CCM2: variants seen among roughly 807,000 people sequenced by gnomAD.
CCM2 encodes the protein cerebral cavernous malformations 2 protein.
A neutral mutation model predicts 44.9 loss-of-function variants in CCM2; 25 were observed. The observed-to-expected ratio is 0.56, with a 90% CI of 0.41 to 0.78. The LOEUF is 0.78. Among genes scored for constraint, CCM2 ranks in the 30% least tolerant of loss-of-function variants. The pLI, the probability that CCM2 is intolerant of heterozygous loss-of-function variation, is 0.00. For synonymous variants in CCM2, 219 were observed against 241.1 expected, an observed-to-expected ratio of 0.91 and a Z score of 0.85; for missense variants, 481 against 580.6, an observed-to-expected ratio of 0.83 and a Z score of 1.76.
At chr7:45,035,452 G>A (rs1243603302) in intron 1 of CCM2, among the ~76,000 whole-genome samples, 1 of 152,142 alleles carries the variant, frequency 6.6e-6, no homozygotes, top group African/African-American at 2.4e-5. Context: ...GGACCTGGGA[G>A]GGGGCCTATT....
chr7:45,004,072 T>G (rs1188974361), intron 1 of CCM2, among the ~76,000 whole-genome samples: 2 of 152,056 alleles, frequency 1.3e-5, no homozygotes, highest in Non-Finnish European at 2.9e-5. Context: ...TCCAGCTACT[T>G]GGGATGCTGA....
intron 1 of CCM2, among the ~76,000 whole-genome samples, chr7:45,032,707 G>A (rs1382473534): frequency 1.3e-5 from 2 of 152,084 alleles, no homozygotes; most frequent in African/African-American, 4.8e-5. Context: ...AGCGTTTATT[G>A]CTGTCCAGTC....
chr7:45,026,597 AT>A (rs747619583), intron 1 of CCM2, among the ~76,000 whole-genome samples: 1,794 of 114,414 alleles, frequency 0.016, 5 homozygotes, highest in African/African-American at 0.022. Flanking sequence ...CTCTAACCAG[AT>A]TTTTTTTTTT....
chr7:45,042,004 C>T (rs10269884), intron 2 of CCM2, among the ~76,000 whole-genome samples: 3,200 of 152,202 alleles, frequency 0.021, 40 homozygotes, highest in Non-Finnish European at 0.032. Context: ...TGTCGAGCGC[C>T]GTGGCCCATG....
At position 45,075,971 on chromosome 7, in the gene CCM2, G is replaced by A. The variant is rs773236463; in HGVS notation, c.1249G>A (p.Glu417Lys). ...CTCTGATGACCGGTCGGCACCCTCA[G>A]AGGGGGATGAGTGGGACCGCATGAT... ...GSSDDRSAPS[E>K]GDEWDRMISD... The change falls in exon 10 of 10, where the codon GAG becomes AAG. Residue 417 changes from glutamate to lysine, a missense_variant. Transcript: ENST00000258781. 5 of 1,613,080 alleles carry A rather than the reference G, an allele frequency of 3.1e-6. No homozygotes were observed. In the African/African-American group the frequency reaches 6.7e-5, roughly 22 times the overall value.
intron 1 of CCM2, among the ~76,000 whole-genome samples, chr7:45,026,597 A>ATTTTTTT (rs747619583): frequency 1.0e-4 from 12 of 114,416 alleles, no homozygotes; most frequent in East Asian, 2.8e-4. Context: ...CTCTAACCAG[A>ATTTTTTT]TTTTTTTTTT....
Position 45,075,811 on chromosome 7 carries a change from G to A in CCM2, c.1089G>A (p.Gln363=). 6.2e-7 allele frequency: 1 copy of A among 1,613,788 alleles called. No homozygotes were observed. The highest frequency in any genetic ancestry group is 8.5e-7 in the Non-Finnish European group (1 of 1,180,024). The part of the protein sequence containing the change: ...LRPFIPEKDS[Q]HFENFLETIG... ...CCTTCATCCCTGAGAAGGACAGCCA[G>A]CACTTCGAGAACTTCCTGGAGACCA... Residue 363 remains glutamine, a synonymous_variant, in exon 10 of 10, where the codon CAG becomes CAA. Transcript: ENST00000258781.
chr7:45,017,773 G>A (rs1258367565), intron 1 of CCM2, among the ~76,000 whole-genome samples: 2 of 152,156 alleles, frequency 1.3e-5, no homozygotes, highest in Non-Finnish European at 1.5e-5. Flanking sequence ...AATGAGGTGC[G>A]TCCCAAGGCA....
chr7:45,014,144 T>C (rs1335413536), intron 1 of CCM2, among the ~76,000 whole-genome samples: 1 of 152,134 alleles, frequency 6.6e-6, no homozygotes, highest in Non-Finnish European at 1.5e-5. Flanking sequence ...ATTTTAATTA[T>C]TATTACTTTT....
chr7:45,049,507 G>A (rs1390536610), intron 2 of CCM2, among the ~76,000 whole-genome samples: 3 of 152,244 alleles, frequency 2.0e-5, no homozygotes, highest in Non-Finnish European at 4.4e-5. Flanking sequence ...ATTTATCGCC[G>A]AGTGTTCACA....
chr7:45,058,260 G>A (rs1221951365), intron 2 of CCM2, among the ~76,000 whole-genome samples: 1 of 152,094 alleles, frequency 6.6e-6, no homozygotes, highest in Non-Finnish European at 1.5e-5. Flanking sequence ...TCTTTGCCTT[G>A]TTCCTGATCT....
chr7:45,025,939 C>A (rs1253341327), intron 1 of CCM2, among the ~76,000 whole-genome samples: 1 of 152,160 alleles, frequency 6.6e-6, no homozygotes. Flanking sequence ...CTGTCTCTTC[C>A]CATTTGTTCT....
chr7:45,020,731 A>G (rs1796449614), intron 1 of CCM2, among the ~76,000 whole-genome samples: 1 of 152,226 alleles, frequency 6.6e-6, no homozygotes, highest in East Asian at 1.9e-4. Context: ...GGTATTTGCT[A>G]AAAATTTTGA....
Position 45,068,477 on chromosome 7 carries a change from G to A in CCM2, c.507G>A (p.Leu169=), listed in dbSNP as rs1270893784. Residue 169 remains leucine, a synonymous_variant, in exon 5 of 10, where the codon CTG becomes CTA. Transcript: ENST00000258781. ...QDPGISPSQS[L]CAESSRGLSA... is the part of the protein sequence containing the mutation. ...CAGGGATCTCCCCCAGCCAGAGTCT[G>A]TGTGCGGAAAGTTCCAGAGGCCTCA... 6.2e-7 allele frequency: 1 copy of A among 1,614,204 alleles called. No homozygotes were observed. The highest frequency in any genetic ancestry group is 1.1e-5 in the South Asian group (1 of 91,086).
chr7:45,049,391 C>T (rs1466563994), intron 2 of CCM2, among the ~76,000 whole-genome samples: 6 of 152,206 alleles, frequency 3.9e-5, no homozygotes, highest in Non-Finnish European at 8.8e-5. Context: ...CTTCTTGTGT[C>T]TTTACAGTCT....
At chr7:45,055,780 A>C (rs1329311757) in intron 2 of CCM2, among the ~76,000 whole-genome samples, 1 of 152,230 alleles carries the variant, frequency 6.6e-6, no homozygotes, top group East Asian at 1.9e-4. Flanking sequence ...AGCACTATCC[A>C]TCTCCAGAGC....
At chr7:45,056,936 A>G (rs567302319) in intron 2 of CCM2, among the ~76,000 whole-genome samples, 8 of 152,300 alleles carry the variant, frequency 5.3e-5, no homozygotes, top group South Asian at 2.1e-4. Context: ...TAAGAATTTT[A>G]TAGTTTTAGG....
chr7:45,001,918 G>A (rs779611239), intron 1 of CCM2, among the ~76,000 whole-genome samples: 5 of 152,192 alleles, frequency 3.3e-5, no homozygotes, highest in Non-Finnish European at 5.9e-5. Flanking sequence ...CAGTTGTTAT[G>A]TAGTTGCTTA....
chr7:45,054,981 T>C (rs1798191231), intron 2 of CCM2, among the ~76,000 whole-genome samples: 1 of 152,214 alleles, frequency 6.6e-6, no homozygotes, highest in African/African-American at 2.4e-5. Flanking sequence ...AAAGTTGTTT[T>C]CCTACTATAA....
Sources: gnomAD v4.1 joint callset for allele counts (sites outside exome capture counted in the v4.1 genomes callset) on GRCh38, gnomAD v4.1.1 for gene constraint, MANE v1.5 for transcripts, NCBI Gene and HGNC (gene_info 2026-07-23, HGNC 2026-07-21) for gene names.